Variants in SNX18 observed in about 807,000 individuals in gnomAD.
SNX18 encodes the protein sorting nexin 18.
SNX18 carries 35 observed loss-of-function variants against 48.7 expected under a neutral mutation model. The observed-to-expected ratio is 0.72, with a 90% CI of 0.55 to 0.95. The LOEUF is 0.95. SNX18 is among the 40% of genes least tolerant of loss of function. The pLI, the probability that SNX18 is intolerant of heterozygous loss-of-function variation, is 0.00. For synonymous variants in SNX18, 492 were observed against 384.7 expected, an observed-to-expected ratio of 1.28 and a Z score of -3.26; for missense variants, 824 against 871.0, an observed-to-expected ratio of 0.95 and a Z score of 0.68.
the SNX18 span, among the ~76,000 whole-genome samples, chr5:54,603,899 T>C: frequency 6.6e-6 from 1 of 152,326 alleles, no homozygotes; most frequent in African/African-American, 2.4e-5. Context: ...ATGACAGCTA[T>C]CCTTGCCCTC....
At chr5:54,646,629 T>C in the SNX18 span, among the ~76,000 whole-genome samples, 2 of 152,210 alleles carry the variant, frequency 1.3e-5, no homozygotes, top group Non-Finnish European at 2.9e-5. Context: ...CTCCCTCATA[T>C]TGCAATCCCA....
In SNX18 at chr5:54,518,374, A is replaced by G. The variant is rs143490328; in HGVS notation, c.422A>G (p.Tyr141Cys). ...GALQPSPQQL[Y>C]GGYQASQGSD... ...CTGCAGCCGTCGCCTCAGCAGCTCTACGGCGGCTACCAGGCCAGCCAAGGC... is the reference window on the plus strand; with the variant it reads ...CTGCAGCCGTCGCCTCAGCAGCTCTGCGGCGGCTACCAGGCCAGCCAAGGC... Residue 141 changes from tyrosine to cysteine, a missense_variant, in exon 1 of 2, where the codon TAC becomes TGC. Transcript: ENST00000381410. 7.0e-6 allele frequency: 11 copies of G among 1,566,406 alleles called. No homozygotes were observed. The highest frequency in any genetic ancestry group is 9.5e-6 in the Non-Finnish European group (11 of 1,157,664).
chr5:54,600,256 C>T, the SNX18 span, among the ~76,000 whole-genome samples: 1 of 152,062 alleles, frequency 6.6e-6, no homozygotes, highest in South Asian at 2.1e-4. Context: ...TAGAGAAATG[C>T]AAATCAAAAA....
the SNX18 span, among the ~76,000 whole-genome samples, chr5:54,632,849 C>T: frequency 6.6e-6 from 1 of 152,086 alleles, no homozygotes; most frequent in East Asian, 1.9e-4. Context: ...CCTTGCCTTA[C>T]TGCAACCTCT....
Position 54,519,402 on chromosome 5 carries a change from G to A in SNX18, c.1450G>A (p.Ala484Thr), listed in dbSNP as rs1725527202. 3 of 1,613,530 alleles carry A rather than the reference G, an allele frequency of 1.9e-6. No homozygotes were observed. The highest frequency in any genetic ancestry group is 1.7e-6 in the Non-Finnish European group (2 of 1,179,940). ...CCAGGCCTTTGAGCTGGACCAGCAG[G>A]CCTTCTCGGTGGGCCTGAACCAGGC... ...LSQAFELDQQ[A>T]FSVGLNQAIA... The change falls in exon 1 of 2, where the codon GCC (alanine) becomes ACC (threonine). Residue 484 changes from alanine (A) to threonine (T), a missense_variant. Coordinates refer to ENST00000381410, the MANE Select transcript of SNX18 (RefSeq NM_001102575.2).
the SNX18 span, among the ~76,000 whole-genome samples, chr5:54,647,612 T>C: frequency 6.6e-6 from 1 of 152,168 alleles, no homozygotes; most frequent in Non-Finnish European, 1.5e-5. Context: ...TAGAGAACCC[T>C]GTATTCCAAT....
the SNX18 span, among the ~76,000 whole-genome samples, chr5:54,612,904 G>A: frequency 9.2e-5 from 14 of 152,150 alleles, no homozygotes; most frequent in African/African-American, 3.1e-4. Context: ...TCCCACCCTA[G>A]GGCAGCTAAT....
the SNX18 span, among the ~76,000 whole-genome samples, chr5:54,555,294 G>GC: frequency 3.3e-5 from 5 of 151,942 alleles, no homozygotes; most frequent in African/African-American, 1.2e-4. Flanking sequence ...TAATTCTCCT[G>GC]CCTTCCTTAT....
chr5:54,532,833 A>G (rs72765735), intron 1 of SNX18, among the ~76,000 whole-genome samples: 8,255 of 152,294 alleles, frequency 0.054, 314 homozygotes, highest in Middle Eastern at 0.1. Context: ...TTCTCTCTTC[A>G]TTTTTGGAAT....
the SNX18 span, among the ~76,000 whole-genome samples, chr5:54,599,549 G>C: frequency 6.6e-5 from 10 of 152,160 alleles, no homozygotes; most frequent in East Asian, 1.9e-3. Context: ...AAAGAACAAA[G>C]CTGGAGGCAT....
chr5:54,530,189 T>C (rs972993326), intron 1 of SNX18, among the ~76,000 whole-genome samples: 1 of 152,194 alleles, frequency 6.6e-6, no homozygotes, highest in Non-Finnish European at 1.5e-5. Flanking sequence ...TTGTCCTAGA[T>C]TTAGGGCACA....
the SNX18 span, among the ~76,000 whole-genome samples, chr5:54,573,051 A>T: frequency 2.0e-5 from 3 of 151,810 alleles, no homozygotes; most frequent in Non-Finnish European, 4.4e-5. Context: ...ATGTTTGCTA[A>T]ACACACCCAG....
chr5:54,618,803 T>C, the SNX18 span, among the ~76,000 whole-genome samples: 1 of 149,938 alleles, frequency 6.7e-6, no homozygotes, highest in East Asian at 2.0e-4. Context: ...ACAACTCAGT[T>C]ATAATTTAAA....
intron 1 of SNX18, chr5:54,520,146 C>A (rs965331258): frequency 1.9e-4 from 56 of 291,554 alleles, no homozygotes; most frequent in African/African-American, 1.1e-3. Context: ...TCAGGAAAAG[C>A]GTACTCATTT....
the SNX18 span, among the ~76,000 whole-genome samples, chr5:54,555,910 G>T: frequency 6.6e-6 from 1 of 152,094 alleles, no homozygotes; most frequent in Non-Finnish European, 1.5e-5. Context: ...TAAAGCCTCA[G>T]TGTTGTGTTA....
the SNX18 span, among the ~76,000 whole-genome samples, chr5:54,623,455 C>T: frequency 5.5e-3 from 833 of 152,054 alleles, 6 homozygotes; most frequent in African/African-American, 0.019. Flanking sequence ...GAGCACAGGC[C>T]ACAGAGGGCT....
the SNX18 span, among the ~76,000 whole-genome samples, chr5:54,598,885 C>A: frequency 1.3e-5 from 2 of 152,040 alleles, no homozygotes. Context: ...CTGGCCAGGG[C>A]AATCAGGCAA....
At chr5:54,539,935 G>A (rs558793969) in intron 1 of SNX18, among the ~76,000 whole-genome samples, 145 of 151,862 alleles carry the variant, frequency 9.5e-4, no homozygotes, top group African/African-American at 3.4e-3. Flanking sequence ...GCAATGGTGC[G>A]ATTTCGGCTC....
chr5:54,570,565 A>T, the SNX18 span, among the ~76,000 whole-genome samples: 1 of 152,312 alleles, frequency 6.6e-6, no homozygotes, highest in South Asian at 2.1e-4. Flanking sequence ...GCATGAGCTT[A>T]TATTCTATGC....
Sources: allele counts gnomAD v4.1 joint callset (sites outside exome capture counted in the v4.1 genomes callset), GRCh38; gene constraint gnomAD v4.1.1; transcripts MANE v1.5; gene names NCBI Gene and HGNC (gene_info 2026-07-23, HGNC 2026-07-21).